The following HEATR5A variants were observed in gnomAD, a reference collection of about 807,000 sequenced individuals.
HEATR5A encodes the protein HEAT repeat containing 5A.
A neutral mutation model predicts 218.8 loss-of-function variants in HEATR5A; 178 were observed. That is an observed-to-expected ratio of 0.81 (90% CI 0.72 to 0.92). The LOEUF is 0.92. Ranked by LOEUF, HEATR5A falls within the 40% of genes least tolerant of loss-of-function variation. The pLI is 0.00. For missense variants in HEATR5A, 2,420 were observed against 2,418.9 expected (o/e 1.00, Z -0.01); for synonymous variants, 864 against 871.6 (o/e 0.99, Z 0.15).
At chr14:31,397,532 G>T (rs923181638) in intron 4 of HEATR5A, among the ~76,000 whole-genome samples, 1 of 151,826 alleles carries the variant, frequency 6.6e-6, no homozygotes, top group Non-Finnish European at 1.5e-5. Flanking sequence ...GGTGGCACGC[G>T]CCTGTAATCC....
At chr14:31,306,126 T>C (rs1195073750) in intron 31 of HEATR5A, among the ~76,000 whole-genome samples, 1 of 152,210 alleles carries the variant, frequency 6.6e-6, no homozygotes, top group Non-Finnish European at 1.5e-5. Context: ...ACCCAGAGAA[T>C]AGTAATTTAA....
intron 18 of HEATR5A, among the ~76,000 whole-genome samples, chr14:31,349,397 A>G (rs1901135763): frequency 6.6e-6 from 1 of 151,922 alleles, no homozygotes; most frequent in Admixed American, 6.6e-5. Context: ...AAAAAAAAAG[A>G]CATGAAAGTA....
intron 12 of HEATR5A, among the ~76,000 whole-genome samples, chr14:31,372,124 G>A (rs543806030): frequency 2.2e-4 from 34 of 151,490 alleles, no homozygotes; most frequent in African/African-American, 7.8e-4. Flanking sequence ...GTACTAAGAC[G>A]GAGCAATAAC....
At chr14:31,348,139 G>T (rs1161511038) in intron 18 of HEATR5A, among the ~76,000 whole-genome samples, 1 of 152,166 alleles carries the variant, frequency 6.6e-6, no homozygotes, top group African/African-American at 2.4e-5. Flanking sequence ...AGTTTAGTAT[G>T]AGCAGTTTCA....
intron 22 of HEATR5A, among the ~76,000 whole-genome samples, chr14:31,336,213 CATACATATATATAT>C (rs57431665): frequency 0.1 from 9,296 of 90,628 alleles, 855 homozygotes; most frequent in Admixed American, 0.13. Flanking sequence ...TATATACATA[CATACATATATATAT>C]ATATATATAT....
Position 31,400,411 on chromosome 14 carries a change from T to C in HEATR5A, c.228A>G (p.Leu76=), listed in dbSNP as rs577253508. 2 of 1,535,706 alleles carry C rather than the reference T, an allele frequency of 1.3e-6. No homozygotes were observed. Among genetic ancestry groups the C allele is most frequent in the South Asian group, 1.2e-5 (1 of 84,050 alleles). ...PPTRKLLAKN[L]AILYSIGDTF... ...TGTCTCCAATACTATAAAGTATGGC[T>C]AGATTCTTAGCAAGCAGTTTGCGGG... is the stretch of plus-strand genomic sequence containing the variant. The change falls in exon 3 of 36, where the codon CTA becomes CTG. Residue 76 remains leucine, a synonymous_variant. Coordinates refer to ENST00000543095, the MANE Select transcript of HEATR5A (RefSeq NM_015473.4).
At chr14:31,409,688 T>C (rs1472054643) in intron 1 of HEATR5A, among the ~76,000 whole-genome samples, 1 of 152,074 alleles carries the variant, frequency 6.6e-6, no homozygotes, top group Non-Finnish European at 1.5e-5. Flanking sequence ...CAAGACCCTG[T>C]CTCAAAACAA....
intron 32 of HEATR5A, chr14:31,302,765 C>T: frequency 2.4e-6 from 1 of 419,850 alleles, no homozygotes; most frequent in Non-Finnish European, 4.2e-6. Context: ...TATGCTTATG[C>T]TGTTTTTGTT....
intron 27 of HEATR5A, 49 bp from the exon 28 acceptor site, chr14:31,313,239 G>C: frequency 1.4e-6 from 2 of 1,425,930 alleles, no homozygotes; most frequent in Non-Finnish European, 2.0e-6. Flanking sequence ...CTGCTGAAAA[G>C]GTGCTATAAA....
At chr14:31,362,770 C>T in intron 14 of HEATR5A, among the ~76,000 whole-genome samples, 1 of 142,438 alleles carries the variant, frequency 7.0e-6, no homozygotes. Flanking sequence ...AGAGTGAGGC[C>T]CCATCTCAAA....
rs989214844 is a variant in HEATR5A, at chr14:31,350,538, C to A, written c.2517+74G>T. On this transcript the variant is annotated intron_variant, in intron 17 of 35. Coordinates refer to ENST00000543095, the MANE Select transcript of HEATR5A (RefSeq NM_015473.4). ...AAAAGAGCATTTTAAAAACATCATC[C>A]TCCGACAAACTTCATTGGCTACAAA... 1.0e-5 allele frequency: 8 copies of A among 769,386 alleles called. No homozygotes were observed. The African/African-American group carries it at 1.1e-4, about 10-fold the overall frequency. The allele number at this position is 769,386 out of a possible 1,614,324, so 47.7% of individuals were successfully genotyped here.
In HEATR5A at chr14:31,358,631, AT is replaced by A; in HGVS notation, c.2411+5del. 6.2e-7 allele frequency: 1 copy of A among 1,611,608 alleles called. No homozygotes were observed. The highest frequency in any genetic ancestry group is 8.5e-7 in the Non-Finnish European group (1 of 1,178,778). On this transcript the variant is annotated splice_donor_5th_base_variant and intron_variant, in intron 16 of 35. Coordinates refer to ENST00000543095, the MANE Select transcript of HEATR5A (RefSeq NM_015473.4). The stretch of plus-strand genomic sequence containing the variant: ...ATCCATTCACTGAACCATTGAAGAT[AT>A]TTACCTTTGAGTTTCTCCCACATGA...
At chr14:31,412,751 TA>T (rs1328993032) in intron 1 of HEATR5A, among the ~76,000 whole-genome samples, 3 of 152,118 alleles carry the variant, frequency 2.0e-5, no homozygotes, top group Non-Finnish European at 2.9e-5. Context: ...CAGGCGCCTG[TA>T]ATCCCAGCTA....
chr14:31,388,735 G>T, intron 7 of HEATR5A, 110 bp downstream of exon 7: 1 of 766,242 alleles, frequency 1.3e-6, no homozygotes, highest in Non-Finnish European at 2.1e-6. Context: ...TTATAGATAT[G>T]AGAGCATAAG....
chr14:31,326,429 A>G, intron 22 of HEATR5A, 87 bp from the exon 23 acceptor site: 4 of 953,244 alleles, frequency 4.2e-6, no homozygotes, highest in Non-Finnish European at 6.4e-6. Context: ...TTATTCAAAT[A>G]GTAGATAAAA....
chr14:31,312,859 T>C (rs1899800949), intron 28 of HEATR5A, 109 bp downstream of exon 28: 22 of 907,824 alleles, frequency 2.4e-5, no homozygotes, highest in South Asian at 3.5e-5. Flanking sequence ...AATTGCACCA[T>C]GGCACTCCAG....
intron 11 of HEATR5A, among the ~76,000 whole-genome samples, chr14:31,379,452 G>T (rs2029895957): frequency 1.3e-5 from 2 of 151,814 alleles, no homozygotes; most frequent in Admixed American, 1.3e-4. Context: ...GTTTCACCTT[G>T]TTGGCCAGGC....
chr14:31,360,633 T>C (rs959230611), intron 14 of HEATR5A, among the ~76,000 whole-genome samples: 6 of 152,222 alleles, frequency 3.9e-5, no homozygotes, highest in Non-Finnish European at 7.3e-5. Context: ...ACTTAAATAC[T>C]GCAGGAATGA....
At chr14:31,322,076 C>A (rs1434593517) in intron 24 of HEATR5A, among the ~76,000 whole-genome samples, 3 of 152,090 alleles carry the variant, frequency 2.0e-5, no homozygotes, top group African/African-American at 7.2e-5. Flanking sequence ...CATAATGTTC[C>A]TTTAAAAAAA....
Sources: allele counts gnomAD v4.1 joint callset (sites outside exome capture counted in the v4.1 genomes callset), GRCh38; gene constraint gnomAD v4.1.1; transcripts MANE v1.5; gene names NCBI Gene and HGNC (gene_info 2026-07-23, HGNC 2026-07-21).